SPIRE1: variants seen among roughly 807,000 people sequenced by gnomAD.
SPIRE1 encodes spire type actin nucleation factor 1.
Under a neutral mutation model 94.1 loss-of-function variants are expected in SPIRE1, and 40 were observed. The observed-to-expected ratio is 0.43, with a 90% CI of 0.33 to 0.55. The LOEUF (loss-of-function observed/expected upper bound fraction) is 0.55, where lower values mean the gene tolerates loss of function less well. SPIRE1 is among the 20% of genes least tolerant of loss of function. The pLI is 0.06. For synonymous variants in SPIRE1, 376 were observed against 371.7 expected, an observed-to-expected ratio of 1.01 and a Z score of -0.13; for missense variants, 838 against 975.2, an observed-to-expected ratio of 0.86 and a Z score of 1.87.
chr18:12,490,847 CT>C (rs1419141870), intron 8 of SPIRE1, among the ~76,000 whole-genome samples: 1 of 152,140 alleles, frequency 6.6e-6, no homozygotes, highest in African/African-American at 2.4e-5. Context: ...TAAGGGAAAA[CT>C]GAAAGCTTTT....
chr18:12,494,951 G>A (rs2033396829), intron 7 of SPIRE1, among the ~76,000 whole-genome samples: 1 of 150,600 alleles, frequency 6.6e-6, no homozygotes, highest in African/African-American at 2.4e-5. Context: ...TCGGGAGGCT[G>A]AGGCAGGAGA....
chr18:12,476,588 T>TATATATATAC (rs1238183759), intron 10 of SPIRE1, among the ~76,000 whole-genome samples: 1 of 104,396 alleles, frequency 9.6e-6, no homozygotes, highest in African/African-American at 3.3e-5. Context: ...TATATATATA[T>TATATATATAC]ACACACACAC....
intron 10 of SPIRE1, among the ~76,000 whole-genome samples, chr18:12,475,210 C>T (rs537040990): frequency 1.8e-4 from 27 of 152,292 alleles, no homozygotes; most frequent in Non-Finnish European, 2.9e-4. Flanking sequence ...TATACTCATT[C>T]TAAAACCTAA....
chr18:12,484,212 C>G (rs367546566), intron 9 of SPIRE1, among the ~76,000 whole-genome samples: 30 of 152,228 alleles, frequency 2.0e-4, no homozygotes, highest in African/African-American at 7.2e-4. Flanking sequence ...TACGGTCCAA[C>G]TAATGGAAGC....
intron 10 of SPIRE1, among the ~76,000 whole-genome samples, chr18:12,473,326 A>G (rs1304763491): frequency 1.3e-5 from 2 of 152,174 alleles, no homozygotes; most frequent in Non-Finnish European, 2.9e-5. Flanking sequence ...AAAAATTGAG[A>G]AAGAAACAAA....
intron 12 of SPIRE1, among the ~76,000 whole-genome samples, chr18:12,455,773 T>C (rs907359209): frequency 4.6e-5 from 7 of 152,028 alleles, no homozygotes; most frequent in Non-Finnish European, 1.0e-4. Context: ...TATAATTCAC[T>C]CCCACACACA....
chr18:12,622,107 C>T (rs1230948634), intron 2 of SPIRE1, among the ~76,000 whole-genome samples: 6 of 152,186 alleles, frequency 3.9e-5, no homozygotes. Context: ...GACTTCTCTC[C>T]ACGTCACAGG....
At chr18:12,573,762 C>A (rs968431836) in intron 2 of SPIRE1, among the ~76,000 whole-genome samples, 1 of 150,678 alleles carries the variant, frequency 6.6e-6, no homozygotes, top group Admixed American at 6.6e-5. Context: ...TCCTTTGAGA[C>A]GGAGTTTTGC....
chr18:12,648,178 G>C (rs1374409799), intron 1 of SPIRE1, among the ~76,000 whole-genome samples: 3 of 152,094 alleles, frequency 2.0e-5, no homozygotes, highest in Admixed American at 2.0e-4. Flanking sequence ...TCCAGGAGGT[G>C]GTTTAATTAC....
chr18:12,560,644 A>C (rs1035353044), intron 2 of SPIRE1, among the ~76,000 whole-genome samples: 71 of 152,194 alleles, frequency 4.7e-4, no homozygotes, highest in African/African-American at 1.6e-3. Context: ...TGAGGTCAGG[A>C]GTTCGAGACT....
chr18:12,460,983 A>G (rs550980490), intron 12 of SPIRE1, among the ~76,000 whole-genome samples: 25 of 152,206 alleles, frequency 1.6e-4, no homozygotes, highest in African/African-American at 6.0e-4. Context: ...CAATCTGACC[A>G]CTGTTCAGTG....
chr18:12,568,039 T>C (rs1236009614), intron 2 of SPIRE1, among the ~76,000 whole-genome samples: 1 of 152,224 alleles, frequency 6.6e-6, no homozygotes, highest in Non-Finnish European at 1.5e-5. Flanking sequence ...CCTGCCACCC[T>C]GGGATCCAAT....
chr18:12,576,453 G>A (rs2036100425), intron 2 of SPIRE1, among the ~76,000 whole-genome samples: 1 of 149,010 alleles, frequency 6.7e-6, no homozygotes, highest in Admixed American at 6.7e-5. Context: ...GTGGTGGCGG[G>A]TGCCTGTAAT....
At chr18:12,463,230 T>C in intron 12 of SPIRE1, 121 bp downstream of exon 12, 1 of 1,010,492 alleles carries the variant, frequency 9.9e-7, no homozygotes, top group Non-Finnish European at 1.4e-6. Flanking sequence ...TTAAGTAAGT[T>C]ATTCAAAATT....
At chr18:12,461,429 T>C (rs980609832) in intron 12 of SPIRE1, among the ~76,000 whole-genome samples, 7 of 141,136 alleles carry the variant, frequency 5.0e-5, no homozygotes, top group African/African-American at 1.7e-4. Flanking sequence ...TGTGTGTGTG[T>C]ATGTATGTAT....
chr18:12,447,931 G>A lies in SPIRE1; in HGVS notation c.*1707C>T, dbSNP rs2143457922. On this transcript the variant is annotated 3_prime_UTR_variant, in exon 17 of 17. Coordinates refer to ENST00000409402, the MANE Select transcript of SPIRE1 (RefSeq NM_001128626.2). Reference sequence around the variant, plus strand: ...GGTAGATTTATACTCCCACCTAACTGTCTGGAGTATAGAGTTCAGATAGTC... The same window carrying A: ...GGTAGATTTATACTCCCACCTAACTATCTGGAGTATAGAGTTCAGATAGTC... The A allele has an allele frequency of 6.6e-6, 1 of 152,246 alleles. No individual in the cohort carries two copies. The highest frequency in any genetic ancestry group is 2.4e-5 in the African/African-American group (1 of 41,564). 9.4% of individuals were successfully genotyped at this position (152,246 alleles called of 1,614,324 possible).
At chr18:12,597,297 A>G (rs1160000903) in intron 2 of SPIRE1, among the ~76,000 whole-genome samples, 1 of 152,072 alleles carries the variant, frequency 6.6e-6, no homozygotes, top group Non-Finnish European at 1.5e-5. Flanking sequence ...TCTGACCACC[A>G]GATTTTTCTG....
intron 2 of SPIRE1, among the ~76,000 whole-genome samples, chr18:12,583,578 G>A (rs1400320303): frequency 6.6e-6 from 1 of 152,002 alleles, no homozygotes; most frequent in Non-Finnish European, 1.5e-5. Flanking sequence ...CTCCAGCCTG[G>A]TGACAGAGTG....
chr18:12,578,824 G>C (rs1323122647), intron 2 of SPIRE1, among the ~76,000 whole-genome samples: 2 of 152,066 alleles, frequency 1.3e-5, no homozygotes, highest in African/African-American at 4.8e-5. Context: ...AAACACACAG[G>C]CTATAAATAT....
Sources: gnomAD v4.1 joint callset for allele counts (sites outside exome capture counted in the v4.1 genomes callset) on GRCh38, gnomAD v4.1.1 for gene constraint, MANE v1.5 for transcripts, NCBI Gene and HGNC (gene_info 2026-07-23, HGNC 2026-07-21) for gene names.